Variants in FAM78A observed in about 807,000 individuals in gnomAD.
FAM78A encodes the protein protein FAM78A.
FAM78A carries 12 observed loss-of-function variants against 22.6 expected under a neutral mutation model. That is an observed-to-expected ratio of 0.53 (90% confidence interval 0.34 to 0.86). FAM78A has a LOEUF of 0.86. Ranked by LOEUF, FAM78A falls within the 40% of genes least tolerant of loss-of-function variation. The pLI is 0.02. For missense variants in FAM78A, 322 were observed against 396.1 expected (o/e 0.81, Z 1.59); for synonymous variants, 151 against 155.8 (o/e 0.97, Z 0.23).
chr9:131,267,137 T>C (rs1269650064), intron 1 of FAM78A, among the ~76,000 whole-genome samples: 1 of 152,160 alleles, frequency 6.6e-6, no homozygotes, highest in African/African-American at 2.4e-5. Flanking sequence ...GGGAAGTAAC[T>C]GGGCCAAGGT....
intron 1 of FAM78A, among the ~76,000 whole-genome samples, chr9:131,263,188 G>A (rs1421745875): frequency 2.9e-5 from 4 of 140,200 alleles, no homozygotes; most frequent in South Asian, 2.2e-4. Context: ...GCAGTGAGCC[G>A]AAATCACACC....
upstream of FAM78A, among the ~76,000 whole-genome samples, chr9:131,280,743 G>A (rs916772174): frequency 9.9e-5 from 15 of 152,188 alleles, no homozygotes; most frequent in African/African-American, 3.6e-4. Flanking sequence ...CCAAGCTGCA[G>A]GGACCTGGGA....
upstream of FAM78A, among the ~76,000 whole-genome samples, chr9:131,279,413 C>T (rs955093884): frequency 1.3e-5 from 2 of 152,228 alleles, no homozygotes; most frequent in African/African-American, 2.4e-5. Context: ...TACTGCACTA[C>T]CCAGTTTATA....
intron 1 of FAM78A, among the ~76,000 whole-genome samples, chr9:131,264,912 G>A (rs1008056235): frequency 3.9e-5 from 6 of 151,970 alleles, no homozygotes; most frequent in Non-Finnish European, 8.8e-5. Flanking sequence ...TAGTAGAGAC[G>A]GGGTTTCACC....
rs561148894 is a variant in FAM78A at position 131,276,360 on chromosome 9, T to C, written c.-181A>G. ...TTCATGAGCCCTGGGCTCTCTCTTC[T>C]TCTCCTCGCAGTGGACAAAAATCAC... On this transcript the variant is annotated 5_prime_UTR_variant, in exon 1 of 2. Coordinates refer to ENST00000372271, the MANE Select transcript of FAM78A (RefSeq NM_033387.4). The surrounding 1 kb of genome is among the most constrained non-coding windows in gnomAD (Gnocchi z 4.3). 95 of 544,408 alleles carry C rather than the reference T, an allele frequency of 1.7e-4. No individual in the cohort carries two copies. Among genetic ancestry groups the C allele is most frequent in the African/African-American group, 8.1e-4 (43 of 52,816 alleles). The allele number at this position is 544,408 out of a possible 1,614,324, so 33.7% of individuals were successfully genotyped here.
rs1341821327 is a variant in FAM78A, at chr9:131,258,316, C to T, written c.*2506G>A. ...AAGAATCGGGGCCCTGGCAGGAAGC[C>T]TGGGGCCTGTGCTCCAACATGAGCA... On this transcript the variant is annotated 3_prime_UTR_variant, in exon 2 of 2. Coordinates refer to ENST00000372271, the MANE Select transcript of FAM78A (RefSeq NM_033387.4). 6.6e-6 allele frequency: 1 copy of T among 152,614 alleles called. No individual in the cohort carries two copies. Among genetic ancestry groups the T allele is most frequent in the Non-Finnish European group, 1.5e-5 (1 of 68,066 alleles). The allele number at this position is 152,614 out of a possible 1,614,324, so 9.5% of individuals were successfully genotyped here.
upstream of FAM78A, among the ~76,000 whole-genome samples, chr9:131,277,047 C>CG (rs1470701271): frequency 2.0e-5 from 3 of 150,570 alleles, no homozygotes; most frequent in Non-Finnish European, 1.5e-5. The surrounding 1 kb of genome is among the most constrained non-coding windows in gnomAD (Gnocchi z 8.4). Flanking sequence ...GCGCTGGGCG[C>CG]GGGCTGCGGA....
rs1835393529 is a variant in FAM78A, at chr9:131,269,729, A to C, written c.323+6128T>G. 2.0e-5 allele frequency among the ~76,000 whole-genome samples: 3 copies of C among 152,094 alleles called. 1 individual carries two copies. In the South Asian group the frequency reaches 6.2e-4, roughly 32 times the overall value. ...TGACCTCAGATGATCCACCTGCCTC[A>C]GCCTCCCAAAATGCTGGGATTATAG... On this transcript the variant is annotated intron_variant, in intron 1 of 1. Transcript: ENST00000372271.
chr9:131,260,471 G>A lies in FAM78A; in HGVS notation c.*351C>T, dbSNP rs1167111117. On this transcript the variant is annotated 3_prime_UTR_variant, in exon 2 of 2. Coordinates refer to ENST00000372271, the MANE Select transcript of FAM78A (RefSeq NM_033387.4). This position sits in a 1 kb window ranked among gnomAD's most constrained non-coding sequence, Gnocchi z 5.4. ...CTCCTAATCAGCTCCCCCTCCTCCT[G>A]CCCCTGAGCCCCCAAAAGAGGAGTT... 4 of 187,044 alleles carry A rather than the reference G, an allele frequency of 2.1e-5. No individual in the cohort carries two copies. Among genetic ancestry groups the A allele is most frequent in the Middle Eastern group, 1.9e-3 (1 of 514 alleles). The allele number at this position is 187,044 out of a possible 1,614,324, so 11.6% of individuals were successfully genotyped here.
rs1202350006 is a variant in FAM78A at position 131,261,486 on chromosome 9, C to CTGGG, written c.324-140_324-137dup. On this transcript the variant is annotated intron_variant, in intron 1 of 1. Coordinates refer to ENST00000372271, the MANE Select transcript of FAM78A (RefSeq NM_033387.4). The surrounding 1 kb of genome is among the most constrained non-coding windows in gnomAD (Gnocchi z 7.1). ...AGACCACCCGGTCCCCTTTGACGTT[C>CTGGG]TGGGGGCAGGGGGTCAGACAGTAGC... 17 of 746,872 alleles carry CTGGG rather than the reference C, an allele frequency of 2.3e-5. No individual in the cohort carries two copies. Among genetic ancestry groups the CTGGG allele is most frequent in the Non-Finnish European group, 3.4e-5 (16 of 477,402 alleles). The allele number at this position is 746,872 out of a possible 1,614,324, so 46.3% of individuals were successfully genotyped here.
Position 131,261,998 on chromosome 9 carries a change from A to G in FAM78A, c.324-648T>C, listed in dbSNP as rs1036349546. On this transcript the variant is annotated intron_variant, in intron 1 of 1. Transcript: ENST00000372271. The surrounding 1 kb of genome is among the most constrained non-coding windows in gnomAD (Gnocchi z 7.1). Reference sequence around the variant, plus strand: ...TCCCAGCACTTTGGGAGGCTGAGGCAGGCTGATCACTTGAGGTTAGGAGTT... The same window carrying G: ...TCCCAGCACTTTGGGAGGCTGAGGCGGGCTGATCACTTGAGGTTAGGAGTT... Among the ~76,000 whole-genome samples, 3 of 151,590 alleles carry G rather than the reference A, an allele frequency of 2.0e-5. No homozygotes were observed. Among genetic ancestry groups the G allele is most frequent in the Non-Finnish European group, 3.0e-5 (2 of 67,772 alleles).
rs1219482679 is a variant in FAM78A, at chr9:131,276,163, C to T, written c.17G>A (p.Cys6Tyr). ...GATCTCCAGGGAAGGCCAGCAGTCA[C>T]AGAAAAAACCAGGCATTGAAAGGAC... The part of the protein sequence containing the change: MPGFF[C>Y]DCWPSLEIRA... Residue 6 changes from cysteine (C) to tyrosine (Y), a missense_variant, in exon 1 of 2, where the codon TGT becomes TAT. Physicochemically the swap from Cys to Tyr is radical, Grantham distance 194 (BLOSUM62 -2). Transcript: ENST00000372271. This position sits in a 1 kb window ranked among gnomAD's most constrained non-coding sequence, Gnocchi z 4.3. The T allele has an allele frequency of 5.6e-6, 9 of 1,611,242 alleles. No individual in the cohort carries two copies. Among genetic ancestry groups the T allele is most frequent in the Non-Finnish European group, 7.6e-6 (9 of 1,178,858 alleles).
chr9:131,268,723 T>C (rs961481033), intron 1 of FAM78A, among the ~76,000 whole-genome samples: 86 of 151,488 alleles, frequency 5.7e-4, no homozygotes, highest in Non-Finnish European at 1.0e-3. Context: ...AAACCCCGTC[T>C]CTACTAAAAA....
Position 131,260,694 on chromosome 9 carries a change from A to G in FAM78A, c.*128T>C, listed in dbSNP as rs934672232. The G allele has an allele frequency of 3.3e-6, 4 of 1,230,630 alleles. No individual in the cohort carries two copies. Among genetic ancestry groups the G allele is most frequent in the Admixed American group, 2.7e-5 (1 of 36,394 alleles). The allele number at this position is 1,230,630 out of a possible 1,614,324, so 76.2% of individuals were successfully genotyped here. A position where few individuals can be genotyped will look rare whatever the true frequency, so the allele number is the denominator to read the frequency against. Reference sequence around the variant, plus strand: ...GGGAGGCCTTCCCGGGGGCATCAGCACAGTGAGATCCGCCCGCTGGAGAGG... The same window carrying G: ...GGGAGGCCTTCCCGGGGGCATCAGCGCAGTGAGATCCGCCCGCTGGAGAGG... On this transcript the variant is annotated 3_prime_UTR_variant, in exon 2 of 2. Transcript: ENST00000372271. This position sits in a 1 kb window ranked among gnomAD's most constrained non-coding sequence, Gnocchi z 5.4.
intron 1 of FAM78A, chr9:131,270,523 CA>C (rs2131188040): frequency 1.4e-6 from 1 of 715,408 alleles, no homozygotes; most frequent in East Asian, 2.7e-5. Flanking sequence ...ATCCCTTGGC[CA>C]GGGCTGGTCC....
At chr9:131,273,259 C>T (rs1835441266) in intron 1 of FAM78A, among the ~76,000 whole-genome samples, 1 of 152,220 alleles carries the variant, frequency 6.6e-6, no homozygotes, top group African/African-American at 2.4e-5. Flanking sequence ...CAAACGGAAC[C>T]CCGGGGGCTG....
upstream of FAM78A, among the ~76,000 whole-genome samples, chr9:131,278,228 G>GC (rs1284145807): frequency 2.0e-5 from 3 of 152,188 alleles, no homozygotes; most frequent in Non-Finnish European, 4.4e-5. Context: ...TTTTTGGCCA[G>GC]CCCCGGGAAT....
chr9:131,267,618 G>A (rs1835360883), intron 1 of FAM78A, among the ~76,000 whole-genome samples: 3 of 152,198 alleles, frequency 2.0e-5, no homozygotes, highest in African/African-American at 7.2e-5. Flanking sequence ...ACAGATATAT[G>A]TTCTAATAGG....
chr9:131,270,601 G>A lies in FAM78A; in HGVS notation c.323+5256C>T, dbSNP rs531630053. 780 of 702,988 alleles carry A rather than the reference G, an allele frequency of 1.1e-3. 1 individual carries two copies. Among genetic ancestry groups the A allele is most frequent in the Non-Finnish European group, 1.7e-3 (647 of 377,194 alleles). 43.5% of individuals were successfully genotyped at this position (702,988 alleles called of 1,614,324 possible). A position where few individuals can be genotyped will look rare whatever the true frequency, so the allele number is the denominator to read the frequency against. Reference sequence around the variant, plus strand: ...TCCCACCCCAAAGCCTTGAAACAAGGACTTCCCTCTCCCACCCACCCCGCC... The same window carrying A: ...TCCCACCCCAAAGCCTTGAAACAAGAACTTCCCTCTCCCACCCACCCCGCC... On this transcript the variant is annotated intron_variant, in intron 1 of 1. Transcript: ENST00000372271.
Sources: allele counts gnomAD v4.1 joint callset (sites outside exome capture counted in the v4.1 genomes callset), GRCh38; gene constraint gnomAD v4.1.1; non-coding constraint Gnocchi (gnomAD v3.1); transcripts MANE v1.5; gene names NCBI Gene and HGNC (gene_info 2026-07-23, HGNC 2026-07-21).